Variants in RNF17 observed in about 807,000 individuals in gnomAD.
RNF17 encodes ring finger protein 17, also known as spermatogenesis associated 23.
In RNF17, 31 loss-of-function variants were observed where a neutral mutation model predicts 200.5. That is an observed-to-expected ratio of 0.15 (90% CI 0.12 to 0.21). RNF17 has a LOEUF of 0.21. Ranked by LOEUF, RNF17 falls within the 10% of genes least tolerant of loss-of-function variation. The probability of loss-of-function intolerance (pLI) is 1.00; values close to 1 mark genes in which losing one functional copy is unlikely to be tolerated. For synonymous variants in RNF17, 606 were observed against 637.8 expected (o/e 0.95, Z 0.75); for missense variants, 1,628 against 1,905.1 (o/e 0.85, Z 2.71).
In RNF17 at chr13:24,851,577, G is replaced by T; in HGVS notation, c.3320+6G>T. 6.3e-7 allele frequency: 1 copy of T among 1,584,678 alleles called. No individual in the cohort carries two copies. The highest frequency in any genetic ancestry group is 1.2e-5 in the South Asian group (1 of 86,820). ...TTGGCTTTGAGAGAAAGGAGGTATA[G>T]ACTTTTTTAAAAAATTTTGACATCA... On this transcript the variant is annotated splice_donor_region_variant and intron_variant, in intron 24 of 35. Transcript: ENST00000255324.
chr13:24,797,780 T>G (rs986581367), intron 11 of RNF17, among the ~76,000 whole-genome samples: 3 of 149,278 alleles, frequency 2.0e-5, no homozygotes, highest in East Asian at 2.0e-4. Context: ...TGACCAGGAT[T>G]GTTTCCTGCC....
rs1378742499 is a variant in RNF17 at position 24,792,986 on chromosome 13, A to T, written c.936-56A>T. Reference sequence around the variant, plus strand: ...GGTGGGAGTTTCTAGTGACTTATTCATGGTTGTACCATATACCTCTGTATT... The same window carrying T: ...GGTGGGAGTTTCTAGTGACTTATTCTTGGTTGTACCATATACCTCTGTATT... On this transcript the variant is annotated intron_variant, in intron 9 of 35. Coordinates refer to ENST00000255324, the MANE Select transcript of RNF17 (RefSeq NM_031277.3). 8 of 1,203,130 alleles carry T rather than the reference A, an allele frequency of 6.6e-6. No homozygotes were observed. In the East Asian group the frequency reaches 1.4e-4, roughly 21 times the overall value. 74.5% of individuals were successfully genotyped at this position (1,203,130 alleles called of 1,614,324 possible). A position where few individuals can be genotyped will look rare whatever the true frequency, so the allele number is the denominator to read the frequency against.
intron 15 of RNF17, among the ~76,000 whole-genome samples, chr13:24,819,607 C>G (rs1212087668): frequency 6.6e-6 from 1 of 152,042 alleles, no homozygotes; most frequent in Non-Finnish European, 1.5e-5. Flanking sequence ...GAGTTAATAC[C>G]AACATAATTT....
At chr13:24,883,346 A>AACTC (rs1265306027), downstream of RNF17, 3 of 1,613,026 alleles carry the variant, frequency 1.9e-6, no homozygotes, top group Non-Finnish European at 2.5e-6. Flanking sequence ...GCCATTATTA[A>AACTC]ACTCTATGAG....
intron 6 of RNF17, among the ~76,000 whole-genome samples, 182 bp downstream of exon 6, chr13:24,782,126 A>G (rs1346446893): frequency 6.6e-6 from 1 of 152,174 alleles, no homozygotes; most frequent in African/African-American, 2.4e-5. Flanking sequence ...AAAATGAAAA[A>G]TAATGTGTAA....
At chr13:24,812,162 G>T (rs1886731754) in intron 15 of RNF17, among the ~76,000 whole-genome samples, 1 of 145,834 alleles carries the variant, frequency 6.9e-6, no homozygotes, top group Non-Finnish European at 1.5e-5. Context: ...AGCTGTGGTG[G>T]GCTCCACCCA....
intron 16 of RNF17, chr13:24,826,021 A>C: frequency 1.0e-6 from 1 of 984,756 alleles, no homozygotes; most frequent in Non-Finnish European, 1.2e-6. Context: ...AAAGCAACAG[A>C]AATTAATTAT....
chr13:24,776,875 T>A (rs558453090), intron 3 of RNF17, among the ~76,000 whole-genome samples: 2 of 152,306 alleles, frequency 1.3e-5, no homozygotes, highest in Non-Finnish European at 2.9e-5. Context: ...GTGTGAAATT[T>A]TCTGACACAT....
chr13:24,830,562 G>A lies in RNF17; in HGVS notation c.2324G>A (p.Arg775His). The stretch of plus-strand genomic sequence containing the variant: ...GCAAAAATAACAATCAAAGACGTGC[G>A]TAAAATAAAGGATGAGTTTCTGAAT... ...NTAKITIKDV[R>H]KIKDEFLNAP... The change falls in exon 17 of 36, where the codon CGT becomes CAT. Residue 775 changes from arginine (R) to histidine (H), a missense_variant. By Grantham distance (29) the Arg-to-His change is conservative (BLOSUM62 0). Transcript: ENST00000255324. 2.5e-6 allele frequency: 4 copies of A among 1,610,772 alleles called. No individual in the cohort carries two copies. Among genetic ancestry groups the A allele is most frequent in the South Asian group, 2.2e-5 (2 of 90,438 alleles).
intron 15 of RNF17, chr13:24,824,403 T>G (rs1400488143): frequency 2.2e-5 from 9 of 408,766 alleles, no homozygotes; most frequent in Non-Finnish European, 3.9e-5. Context: ...TAAAGTAATT[T>G]AAATGAAATA....
chr13:24,795,273 T>G (rs1345411172), intron 10 of RNF17, among the ~76,000 whole-genome samples: 1 of 152,042 alleles, frequency 6.6e-6, no homozygotes, highest in East Asian at 1.9e-4. Flanking sequence ...ATTAAAATAT[T>G]ATGTGAAACT....
downstream of RNF17, among the ~76,000 whole-genome samples, chr13:24,882,045 T>G (rs201821201): frequency 0.037 from 892 of 24,088 alleles, 31 homozygotes; most frequent in South Asian, 0.13. Context: ...GATACATCTA[T>G]ATAGATATAT....
rs142189447 is a variant in RNF17 at position 24,877,994 on chromosome 13, G to A, written c.4773+808G>A. Among the ~76,000 whole-genome samples the A allele has an allele frequency of 1.4e-3, 218 of 152,304 alleles. 1 individual carries two copies. The highest frequency in any genetic ancestry group is 2.5e-3 in the Non-Finnish European group (172 of 68,024). On this transcript the variant is annotated intron_variant, in intron 34 of 35. Coordinates refer to ENST00000255324, the MANE Select transcript of RNF17 (RefSeq NM_031277.3). ...CCCTGATTAGATATTCTAAAAACTA[G>A]GAATCCTGGGTCTCCCCATCCCTCT...
At chr13:24,811,301 T>A (rs1466621130) in intron 15 of RNF17, among the ~76,000 whole-genome samples, 1 of 152,000 alleles carries the variant, frequency 6.6e-6, no homozygotes, top group African/African-American at 2.4e-5. Context: ...GATTTGGTCT[T>A]TTCACATAGT....
At chr13:24,809,754 T>C (rs1886363078) in intron 15 of RNF17, among the ~76,000 whole-genome samples, 2 of 152,224 alleles carry the variant, frequency 1.3e-5, no homozygotes, top group South Asian at 4.1e-4. Context: ...TTTGGATCTT[T>C]CCTGCTATCT....
chr13:24,800,567 A>C, intron 13 of RNF17, 33 bp downstream of exon 13: 1 of 1,589,868 alleles, frequency 6.3e-7, no homozygotes, highest in Non-Finnish European at 8.6e-7. Context: ...TTTCCTTCAG[A>C]GGTTATTACA....
chr13:24,762,369 T>TAAAAAAA (rs370600110), upstream of RNF17, among the ~76,000 whole-genome samples: 3 of 113,892 alleles, frequency 2.6e-5, no homozygotes, highest in Non-Finnish European at 3.4e-5. Context: ...ACTCCATTTC[T>TAAAAAAA]AAAAAAAAAA....
chr13:24,851,519 G>T lies in RNF17; in HGVS notation c.3268G>T (p.Val1090Phe). 1 of 1,613,774 alleles carries T rather than the reference G, an allele frequency of 6.2e-7. No individual in the cohort carries two copies. The highest frequency in any genetic ancestry group is 8.5e-7 in the Non-Finnish European group (1 of 1,179,918). ...CTGCAGAGATGAAAAAGGAGAGCGT[G>T]TTGATGTTTCTAAATATTTGATTAA... Reference protein sequence around the residue: ...IFCRDEKGERVDVSKYLIKKG... With the variant: ...IFCRDEKGERFDVSKYLIKKG... Residue 1090 changes from valine to phenylalanine, a missense_variant, in exon 24 of 36, where the codon GTT becomes TTT. Transcript: ENST00000255324.
At chr13:24,771,904 T>C (rs890247397) in intron 2 of RNF17, among the ~76,000 whole-genome samples, 1 of 152,106 alleles carries the variant, frequency 6.6e-6, no homozygotes, top group African/African-American at 2.4e-5. Flanking sequence ...CTCGGGAGGC[T>C]GAGGCAGAAG....
Sources: gnomAD v4.1 joint callset for allele counts (sites outside exome capture counted in the v4.1 genomes callset) on GRCh38, gnomAD v4.1.1 for gene constraint, MANE v1.5 for transcripts, NCBI Gene and HGNC (gene_info 2026-07-23, HGNC 2026-07-21) for gene names.